The following MAML3 variants were observed in gnomAD, a reference collection of about 807,000 sequenced individuals.
MAML3 encodes mastermind like transcriptional coactivator 3.
Under a neutral mutation model 101.9 loss-of-function variants are expected in MAML3, and 27 were observed. The ratio of observed to expected loss-of-function variants is 0.27; its 90% CI spans 0.20 to 0.37. The LOEUF (loss-of-function observed/expected upper bound fraction) is 0.37, where lower values mean the gene tolerates loss of function less well. Ranked by LOEUF, MAML3 falls within the 10% of genes least tolerant of loss-of-function variation. The pLI, the probability that MAML3 is intolerant of heterozygous loss-of-function variation, is 1.00. For missense variants in MAML3, 1,316 were observed against 1,444.9 expected, an observed-to-expected ratio of 0.91 and a Z score of 1.45; for synonymous variants, 501 against 555.9, an observed-to-expected ratio of 0.90 and a Z score of 1.39.
chr4:139,744,994 T>G (rs138137948), intron 2 of MAML3, among the ~76,000 whole-genome samples: 1 of 152,138 alleles, frequency 6.6e-6, no homozygotes, highest in African/African-American at 2.4e-5. Context: ...CTTTATGAAA[T>G]GAGGAAGCCA....
At chr4:139,730,774 G>A (rs987513995) in intron 2 of MAML3, 107 bp from the exon 3 acceptor site, 1 of 1,029,744 alleles carries the variant, frequency 9.7e-7, no homozygotes, top group South Asian at 1.6e-5. Flanking sequence ...CCCAGCTTAT[G>A]GACTGGAGGG....
intron 1 of MAML3, among the ~76,000 whole-genome samples, chr4:140,128,675 C>G (rs539313537): frequency 1.2e-4 from 19 of 152,276 alleles, no homozygotes; most frequent in African/African-American, 4.6e-4. Flanking sequence ...GATGTGTGCT[C>G]AAGCCCAGAG....
chr4:139,974,298 G>C (rs28479061), intron 1 of MAML3, among the ~76,000 whole-genome samples: 3,641 of 151,968 alleles, frequency 0.024, 146 homozygotes, highest in African/African-American at 0.082. Flanking sequence ...GCAGAGACAG[G>C]GTTTCACAGT....
intron 1 of MAML3, among the ~76,000 whole-genome samples, chr4:140,090,027 A>G (rs571059559): frequency 6.6e-6 from 1 of 152,386 alleles, no homozygotes; most frequent in East Asian, 1.9e-4. Flanking sequence ...AAGGTATTAG[A>G]AAATTTATTT....
At chr4:139,842,680 G>A (rs1261408422) in intron 2 of MAML3, among the ~76,000 whole-genome samples, 2 of 142,920 alleles carry the variant, frequency 1.4e-5, no homozygotes, top group African/African-American at 5.3e-5. Flanking sequence ...ACCACGCCCA[G>A]CTAATTTTTG....
At chr4:139,816,792 A>G (rs2111118144) in intron 2 of MAML3, among the ~76,000 whole-genome samples, 1 of 152,136 alleles carries the variant, frequency 6.6e-6, no homozygotes, top group Middle Eastern at 3.4e-3. Context: ...AAGGGAGAAA[A>G]AGACCTAGAT....
intron 1 of MAML3, among the ~76,000 whole-genome samples, chr4:139,935,552 T>C (rs1733490315): frequency 6.6e-6 from 1 of 152,002 alleles, no homozygotes; most frequent in South Asian, 2.1e-4. Flanking sequence ...CATCAAATAT[T>C]GGGGTTCTTT....
At chr4:139,864,369 C>T (rs1422147548) in intron 2 of MAML3, among the ~76,000 whole-genome samples, 1 of 152,092 alleles carries the variant, frequency 6.6e-6, no homozygotes, top group Non-Finnish European at 1.5e-5. Context: ...TTGTTGGCTT[C>T]ACTTGTGATG....
At chr4:139,839,295 T>C (rs1731318590) in intron 2 of MAML3, among the ~76,000 whole-genome samples, 1 of 152,042 alleles carries the variant, frequency 6.6e-6, no homozygotes, top group Non-Finnish European at 1.5e-5. Context: ...ATGACATAAA[T>C]CAGATCCTCC....
chr4:140,133,183 G>C lies in MAML3; in HGVS notation c.468+19677C>G, dbSNP rs1050765749. The C allele has an allele frequency of 3.3e-5, 13 of 389,272 alleles. No homozygotes were observed. The East Asian group carries it at 9.4e-4, about 28-fold the overall frequency. The allele number at this position is 389,272 out of a possible 1,614,324, so 24.1% of individuals were successfully genotyped here. A position where few individuals can be genotyped will look rare whatever the true frequency, so the allele number is the denominator to read the frequency against. ...AGCCAACAAAAAGAAAAAAAAGAGA[G>C]TTTACTTTAAAAGTCCTATTTGTGT... On this transcript the variant is annotated intron_variant, in intron 1 of 4. Coordinates refer to ENST00000509479, the MANE Select transcript of MAML3 (RefSeq NM_018717.5).
chr4:139,907,648 G>A (rs1253356134), intron 1 of MAML3, among the ~76,000 whole-genome samples: 3 of 152,206 alleles, frequency 2.0e-5, no homozygotes, highest in African/African-American at 2.4e-5. Flanking sequence ...GCTGAGTGCA[G>A]AGGATGCAAA....
At chr4:140,072,049 T>C (rs999900580) in intron 1 of MAML3, among the ~76,000 whole-genome samples, 2 of 152,162 alleles carry the variant, frequency 1.3e-5, no homozygotes, top group Non-Finnish European at 2.9e-5. Flanking sequence ...AACATTGGTT[T>C]GTCACCCAGA....
At chr4:139,795,377 T>G (rs113930993) in intron 2 of MAML3, among the ~76,000 whole-genome samples, 8 of 152,326 alleles carry the variant, frequency 5.3e-5, no homozygotes, top group East Asian at 1.9e-4. Flanking sequence ...AATTGAGTGG[T>G]TCATGCTTTA....
At position 139,723,196 on chromosome 4, in the gene MAML3, T is replaced by A. The variant is rs1371865036; in HGVS notation, c.2416+2555A>T. 2.0e-5 allele frequency among the ~76,000 whole-genome samples: 3 copies of A among 152,332 alleles called. No individual in the cohort carries two copies. In the East Asian group the frequency reaches 5.8e-4, roughly 29 times the overall value. On this transcript the variant is annotated intron_variant, in intron 4 of 4. Transcript: ENST00000509479. The stretch of plus-strand genomic sequence containing the variant: ...TGGAAAAGTCAGCTTCAAAAACCCA[T>A]GTACAGTACAATCCCAATTTTTGTG...
At chr4:139,787,747 C>T (rs1730331454) in intron 2 of MAML3, among the ~76,000 whole-genome samples, 1 of 152,184 alleles carries the variant, frequency 6.6e-6, no homozygotes, top group Non-Finnish European at 1.5e-5. Flanking sequence ...AGTTCAGAGC[C>T]TATCAGAGAT....
chr4:140,057,920 G>C (rs1172063999), intron 1 of MAML3, among the ~76,000 whole-genome samples: 6 of 151,136 alleles, frequency 4.0e-5, no homozygotes, highest in African/African-American at 1.5e-4. Context: ...CCAGGGTTCA[G>C]TGTGAAGGCC....
chr4:139,987,289 G>T (rs1734555747), intron 1 of MAML3, among the ~76,000 whole-genome samples: 1 of 152,166 alleles, frequency 6.6e-6, no homozygotes, highest in African/African-American at 2.4e-5. Flanking sequence ...GCAGTTTTTT[G>T]AAAGCAAACA....
intron 2 of MAML3, among the ~76,000 whole-genome samples, chr4:139,733,850 C>G (rs1728822123): frequency 6.6e-6 from 1 of 152,136 alleles, no homozygotes; most frequent in Admixed American, 6.5e-5. Context: ...CCATGCCCTG[C>G]TAATTTTTAA....
At chr4:140,147,472 G>A (rs72937716) in intron 1 of MAML3, among the ~76,000 whole-genome samples, 6,476 of 152,146 alleles carry the variant, frequency 0.043, 441 homozygotes, top group African/African-American at 0.15. Context: ...CTTTGATAAC[G>A]GTGTTAAAGA....
Sources: gnomAD v4.1 joint callset for allele counts (sites outside exome capture counted in the v4.1 genomes callset) on GRCh38, gnomAD v4.1.1 for gene constraint, MANE v1.5 for transcripts, NCBI Gene and HGNC (gene_info 2026-07-23, HGNC 2026-07-21) for gene names.